Variants in DCC observed in about 807,000 individuals in gnomAD.
DCC encodes the protein DCC netrin 1 receptor.
Under a neutral mutation model 172.5 loss-of-function variants are expected in DCC, and 58 were observed. The observed-to-expected ratio is 0.34, with a 90% CI of 0.27 to 0.42. The LOEUF is 0.42. Among genes scored for constraint, DCC ranks in the 10% least tolerant of loss-of-function variants. DCC has a pLI of 1.00. For synonymous variants in DCC, 709 were observed against 644.5 expected (o/e 1.10, Z -1.52); for missense variants, 1,740 against 1,791.0 (o/e 0.97, Z 0.51).
chr18:52,534,160 A>AT (rs2032226841), intron 1 of DCC, among the ~76,000 whole-genome samples: 1 of 152,058 alleles, frequency 6.6e-6, no homozygotes, highest in Admixed American at 6.6e-5. Context: ...TTTTTTTCAT[A>AT]TTAGGATATT....
At chr18:52,837,589 C>T (rs925536321) in intron 2 of DCC, among the ~76,000 whole-genome samples, 1 of 152,178 alleles carries the variant, frequency 6.6e-6, no homozygotes, top group African/African-American at 2.4e-5. Flanking sequence ...CTTCATTGGT[C>T]CCTATCACTG....
intron 2 of DCC, among the ~76,000 whole-genome samples, chr18:52,778,805 A>G (rs2037479930): frequency 6.6e-6 from 1 of 152,126 alleles, no homozygotes; most frequent in Non-Finnish European, 1.5e-5. Context: ...TTGTCACTTT[A>G]TTTTCCACAC....
intron 1 of DCC, among the ~76,000 whole-genome samples, chr18:52,656,777 T>C (rs2035262490): frequency 6.6e-6 from 1 of 152,190 alleles, no homozygotes; most frequent in Admixed American, 6.5e-5. Context: ...ATTCTTGTTT[T>C]CAATTATAAG....
chr18:52,467,783 T>A (rs1988829687), intron 1 of DCC, among the ~76,000 whole-genome samples: 1 of 152,234 alleles, frequency 6.6e-6, no homozygotes, highest in Non-Finnish European at 1.5e-5. Context: ...TTGATTTGCA[T>A]TTCTCTAATG....
intron 1 of DCC, among the ~76,000 whole-genome samples, chr18:52,357,520 A>C (rs539172205): frequency 1.3e-5 from 2 of 152,314 alleles, no homozygotes; most frequent in Non-Finnish European, 2.9e-5. Context: ...TAATTGAATA[A>C]ATAAAGAGAA....
intron 2 of DCC, among the ~76,000 whole-genome samples, chr18:52,883,274 G>A (rs1175763324): frequency 6.6e-6 from 1 of 151,102 alleles, no homozygotes; most frequent in Admixed American, 6.6e-5. Flanking sequence ...GATAAGTAAG[G>A]ACTTATTCCT....
chr18:52,691,579 G>T (rs939940968), intron 1 of DCC, among the ~76,000 whole-genome samples: 5 of 152,024 alleles, frequency 3.3e-5, no homozygotes, highest in Admixed American at 2.0e-4. Context: ...AATCTCAGGG[G>T]GGCTTCTTCC....
intron 8 of DCC, among the ~76,000 whole-genome samples, chr18:53,163,054 A>T (rs1322280902): frequency 6.6e-6 from 1 of 152,146 alleles, no homozygotes; most frequent in African/African-American, 2.4e-5. Context: ...TCACCCCTTC[A>T]TTTTGATTAC....
intron 1 of DCC, among the ~76,000 whole-genome samples, chr18:52,727,337 C>T (rs1023603906): frequency 6.6e-6 from 1 of 152,016 alleles, no homozygotes; most frequent in African/African-American, 2.4e-5. Flanking sequence ...TTTCTGAGAC[C>T]ATTCTGGGCT....
chr18:52,809,711 C>T (rs946475711), intron 2 of DCC, among the ~76,000 whole-genome samples: 2 of 152,080 alleles, frequency 1.3e-5, no homozygotes, highest in Non-Finnish European at 2.9e-5. Context: ...AAACACAGAC[C>T]AGAAGAGCGT....
chr18:53,343,880 T>A (rs534859433), intron 15 of DCC, among the ~76,000 whole-genome samples: 165 of 152,158 alleles, frequency 1.1e-3, no homozygotes, highest in African/African-American at 3.6e-3. Context: ...TTTTGCTAAG[T>A]TAAATTTTTA....
At chr18:53,501,712 GC>G (rs1436264926) in intron 27 of DCC, among the ~76,000 whole-genome samples, 1 of 152,160 alleles carries the variant, frequency 6.6e-6, no homozygotes. Flanking sequence ...CATTCTGGAG[GC>G]TACTATGGCT....
chr18:52,427,835 T>TCTTCCTTCCTTTCTTTCTTCCCTC (rs1481412682), intron 1 of DCC, among the ~76,000 whole-genome samples: 1 of 46,020 alleles, frequency 2.2e-5, no homozygotes, highest in African/African-American at 6.1e-5. Context: ...TTCCTTCCTT[T>TCTTCCTTCCTTTCTTTCTTCCCTC]CTTCCTTCCT....
intron 1 of DCC, among the ~76,000 whole-genome samples, chr18:52,476,497 T>C (rs1383804607): frequency 6.6e-6 from 1 of 152,222 alleles, no homozygotes; most frequent in Admixed American, 6.5e-5. Flanking sequence ...TAATCTGTCA[T>C]ATAATACCAC....
At chr18:53,487,040 T>C (rs761374807) in intron 26 of DCC, 82 bp downstream of exon 26, 3 of 1,570,114 alleles carry the variant, frequency 1.9e-6, no homozygotes, top group African/African-American at 1.4e-5. Context: ...ATTCTGACCT[T>C]ATCCCTTAGA....
intron 1 of DCC, among the ~76,000 whole-genome samples, chr18:52,388,047 C>T (rs1280394138): frequency 1.3e-5 from 2 of 151,992 alleles, no homozygotes; most frequent in Non-Finnish European, 2.9e-5. Flanking sequence ...GTGAGGGGCT[C>T]TCCCTGGTAC....
At chr18:52,786,949 G>A (rs899411134) in intron 2 of DCC, among the ~76,000 whole-genome samples, 9 of 152,046 alleles carry the variant, frequency 5.9e-5, no homozygotes, top group African/African-American at 9.7e-5. Flanking sequence ...TTATTATTGC[G>A]ATGATGCAAA....
intron 12 of DCC, among the ~76,000 whole-genome samples, chr18:53,218,672 A>T (rs1218146874): frequency 6.6e-6 from 1 of 152,156 alleles, no homozygotes. Context: ...GTTATTTCTC[A>T]TACTAAAATT....
At chr18:53,119,312 T>G (rs139402245) in intron 7 of DCC, among the ~76,000 whole-genome samples, 1 of 151,940 alleles carries the variant, frequency 6.6e-6, no homozygotes, top group Non-Finnish European at 1.5e-5. Context: ...CTGGTATTTA[T>G]CTCACCTCTC....
Sources: gnomAD v4.1 joint callset for allele counts (sites outside exome capture counted in the v4.1 genomes callset) on GRCh38, gnomAD v4.1.1 for gene constraint, MANE v1.5 for transcripts, NCBI Gene and HGNC (gene_info 2026-07-23, HGNC 2026-07-21) for gene names.